SNRNP70: variants seen among roughly 807,000 people sequenced by gnomAD.
SNRNP70 encodes the protein U1 small nuclear ribonucleoprotein 70 kDa.
A neutral mutation model predicts 50.5 loss-of-function variants in SNRNP70; 8 were observed. The ratio of observed to expected loss-of-function variants is 0.16; its 90% CI spans 0.09 to 0.29. The LOEUF (loss-of-function observed/expected upper bound fraction) is 0.29. Among genes scored for constraint, SNRNP70 ranks in the 10% least tolerant of loss-of-function variants. SNRNP70 has a pLI of 1.00. For missense variants in SNRNP70, 529 were observed against 663.5 expected, an observed-to-expected ratio of 0.80 and a Z score of 2.23; for synonymous variants, 320 against 252.9, an observed-to-expected ratio of 1.27 and a Z score of -2.52.
rs1186425104 is a variant in SNRNP70, at chr19:49,108,368, G to C, written c.1239G>C (p.Met413Ile). ...LEGLGNDSRDMYMESEGGDGY... is the reference protein window; with the variant it reads ...LEGLGNDSRDIYMESEGGDGY... Reference sequence around the variant, plus strand: ...GTCTGGGCAACGACAGCCGAGACATGTACATGGAGTCTGAGGGCGGCGACG... The same window carrying C: ...GTCTGGGCAACGACAGCCGAGACATCTACATGGAGTCTGAGGGCGGCGACG... The change falls in exon 10 of 10, where the codon ATG (methionine) becomes ATC (isoleucine). Residue 413 changes from methionine to isoleucine, a missense_variant. Transcript: ENST00000598441. The C allele has an allele frequency of 6.2e-7, 1 of 1,611,054 alleles. No homozygotes were observed. The highest frequency in any genetic ancestry group is 8.5e-7 in the Non-Finnish European group (1 of 1,178,768).
chr19:49,106,493 G>A (rs956503762), intron 8 of SNRNP70, among the ~76,000 whole-genome samples: 2 of 152,178 alleles, frequency 1.3e-5, no homozygotes, highest in African/African-American at 4.8e-5. Context: ...CTGAATATAG[G>A]AAAGGCTAGT....
At chr19:49,093,691 A>C (rs1412598819) in intron 4 of SNRNP70, among the ~76,000 whole-genome samples, 2 of 142,854 alleles carry the variant, frequency 1.4e-5, no homozygotes, top group East Asian at 2.1e-4. Context: ...AAAAAAAAAA[A>C]ACAAAAAAAA....
intron 4 of SNRNP70, among the ~76,000 whole-genome samples, chr19:49,092,763 T>C (rs1480407385): frequency 6.6e-6 from 1 of 151,990 alleles, no homozygotes; most frequent in Non-Finnish European, 1.5e-5. Context: ...TTTTTTTTCT[T>C]TTTTGGAAAA....
At chr19:49,088,671 A>G (rs1183222292) in intron 2 of SNRNP70, among the ~76,000 whole-genome samples, 7 of 148,194 alleles carry the variant, frequency 4.7e-5, no homozygotes, top group Admixed American at 6.7e-5. Context: ...TAATTTTTGT[A>G]TTTTTTGTAA....
intron 8 of SNRNP70, among the ~76,000 whole-genome samples, chr19:49,106,968 T>A: frequency 6.6e-6 from 1 of 151,868 alleles, no homozygotes; most frequent in East Asian, 1.9e-4. Context: ...GAAGGAAGCG[T>A]TTCTGCAACT....
rs2040702944 is a variant in SNRNP70, at chr19:49,108,124, C to T, written c.995C>T (p.Pro332Leu). 12 of 1,547,158 alleles carry T rather than the reference C, an allele frequency of 7.8e-6. No individual in the cohort carries two copies. Among genetic ancestry groups the T allele is most frequent in the South Asian group, 2.4e-5 (2 of 83,034 alleles). ...GACGCGCCCCCTGATGATGGGCCTC[C>T]AGGGGAGCTCGGGCCTGACGGCCCT... ...AGDAPPDDGP[P>L]GELGPDGPDG... The change falls in exon 10 of 10, where the codon CCA becomes CTA. Residue 332 changes from proline (P) to leucine (L), a missense_variant. By Grantham distance (98) the Pro-to-Leu change is moderately conservative. This residue lies in a region of SNRNP70 where 327 missense variants were observed against 308.8 expected (regional missense o/e 1.06). Coordinates refer to ENST00000598441, the MANE Select transcript of SNRNP70 (RefSeq NM_003089.6).
chr19:49,090,382 G>A, intron 3 of SNRNP70, 29 bp downstream of exon 3: 4 of 1,613,588 alleles, frequency 2.5e-6, no homozygotes, highest in Non-Finnish European at 2.5e-6. Context: ...CTGACCCCCT[G>A]TTTTACCACT....
intron 3 of SNRNP70, 35 bp downstream of exon 3, chr19:49,090,388 C>T (rs940027316): frequency 6.2e-7 from 1 of 1,613,044 alleles, no homozygotes; most frequent in Admixed American, 1.7e-5. Flanking sequence ...CCCTGTTTTA[C>T]CACTGTCTCC....
chr19:49,089,178 G>C (rs1365656545), intron 2 of SNRNP70, among the ~76,000 whole-genome samples: 17 of 152,132 alleles, frequency 1.1e-4, no homozygotes, highest in Admixed American at 1.1e-3. Context: ...TTTAAAGAAA[G>C]ATCTACAGTC....
Position 49,108,553 on chromosome 19 carries a change from T to A in SNRNP70, c.*110T>A. The A allele has an allele frequency of 3.0e-6, 4 of 1,338,966 alleles. No homozygotes were observed. Among genetic ancestry groups the A allele is most frequent in the Non-Finnish European group, 3.0e-6 (3 of 996,288 alleles). The allele number at this position is 1,338,966 out of a possible 1,614,324, so 82.9% of individuals were successfully genotyped here. ...TGAGTTTGTCCTCCAAGGGTAGGTGTCTCATTTGTTCTGGCCCCTTGGATT... is the reference window on the plus strand; with the variant it reads ...TGAGTTTGTCCTCCAAGGGTAGGTGACTCATTTGTTCTGGCCCCTTGGATT... On this transcript the variant is annotated 3_prime_UTR_variant, in exon 10 of 10. Coordinates refer to ENST00000598441, the MANE Select transcript of SNRNP70 (RefSeq NM_003089.6).
chr19:49,094,279 A>AG (rs1287356725), intron 4 of SNRNP70, among the ~76,000 whole-genome samples: 1 of 152,132 alleles, frequency 6.6e-6, no homozygotes, highest in African/African-American at 2.4e-5. Flanking sequence ...CTGAGGTGGG[A>AG]GGATTACTTG....
chr19:49,092,794 TCTCA>T (rs1301261794), intron 4 of SNRNP70, among the ~76,000 whole-genome samples: 1 of 151,932 alleles, frequency 6.6e-6, no homozygotes, highest in Non-Finnish European at 1.5e-5. Context: ...TGAGACGGGG[TCTCA>T]CTATGTTGCC....
At chr19:49,098,405 A>G (rs2040539820) in intron 4 of SNRNP70, 22 bp from the exon 5 acceptor site, 1 of 1,599,210 alleles carries the variant, frequency 6.3e-7, no homozygotes, top group South Asian at 1.1e-5. Context: ...TCAACTTATA[A>G]AATTCCTTTC....
rs374783773 is a variant in SNRNP70, at chr19:49,101,486, C to T, written c.475+15C>T. ...AGACATGCACTGTGAGTACCTCCCG[C>T]CGAGCCCTGCCCTCTGACCTGCTCT... On this transcript the variant is annotated intron_variant, in intron 7 of 9. Transcript: ENST00000598441. 3.8e-5 allele frequency: 60 copies of T among 1,595,764 alleles called. No homozygotes were observed. The African/African-American group carries it at 7.5e-4, about 20-fold the overall frequency.
At chr19:49,097,584 T>C (rs1286681769) in intron 4 of SNRNP70, among the ~76,000 whole-genome samples, 1 of 152,162 alleles carries the variant, frequency 6.6e-6, no homozygotes, top group Non-Finnish European at 1.5e-5. Flanking sequence ...GTGACAGGGC[T>C]TCCGAGGGAA....
intron 2 of SNRNP70, 138 bp from the exon 3 acceptor site, chr19:49,090,153 T>C: frequency 1.4e-6 from 1 of 717,456 alleles, no homozygotes; most frequent in Non-Finnish European, 2.5e-6. Flanking sequence ...CCCTCCACTG[T>C]GTCAGGGGAA....
chr19:49,098,437 CAAT>C lies in SNRNP70; in HGVS notation c.277_279del (p.Asn93del). On this transcript the variant is annotated inframe_deletion, in exon 5 of 10. Coordinates refer to ENST00000598441, the MANE Select transcript of SNRNP70 (RefSeq NM_003089.6). ...TTTCTTCCTGCACAGGGGACCCTCA[CAAT>C]GATCCCAATGCTCAGGGGGATGCCT... is the stretch of plus-strand genomic sequence containing the variant. The C allele has an allele frequency of 6.2e-7, 1 of 1,613,186 alleles. No homozygotes were observed. The highest frequency in any genetic ancestry group is 8.5e-7 in the Non-Finnish European group (1 of 1,179,410).
chr19:49,108,477 G>GC lies in SNRNP70; in HGVS notation c.*35dup. The GC allele has an allele frequency of 1.3e-6, 2 of 1,557,952 alleles. No individual in the cohort carries two copies. Among genetic ancestry groups the GC allele is most frequent in the Non-Finnish European group, 1.7e-6 (2 of 1,152,500 alleles). ...TCCTCTCCATCTGCTGTGTTTGGAC[G>GC]CGTTCCTGCCCAGCCCCTTGCTGTC... On this transcript the variant is annotated 3_prime_UTR_variant, in exon 10 of 10. Coordinates refer to ENST00000598441, the MANE Select transcript of SNRNP70 (RefSeq NM_003089.6).
chr19:49,093,626 C>T (rs978861649), intron 4 of SNRNP70, among the ~76,000 whole-genome samples: 4 of 145,876 alleles, frequency 2.7e-5, no homozygotes, highest in African/African-American at 1.0e-4. Flanking sequence ...TTGCAGTGAG[C>T]CGAGATCACG....
Sources: allele counts gnomAD v4.1 joint callset (sites outside exome capture counted in the v4.1 genomes callset), GRCh38; gene constraint gnomAD v4.1.1; regional missense constraint gnomAD v4.1.1; transcripts MANE v1.5; gene names NCBI Gene and HGNC (gene_info 2026-07-23, HGNC 2026-07-21).